TRAPPC12: variants seen among roughly 807,000 people sequenced by gnomAD.
TRAPPC12 encodes the protein trafficking protein particle complex subunit 12, also known as TPR repeat protein 15.
TRAPPC12 carries 61 observed loss-of-function variants against 69.2 expected under a neutral mutation model. The ratio of observed to expected loss-of-function variants is 0.88; its 90% CI spans 0.72 to 1.09. TRAPPC12 has a LOEUF of 1.09. Ranked by LOEUF, TRAPPC12 falls within the 50% of genes least tolerant of loss-of-function variation. TRAPPC12 has a pLI of 0.00. For missense variants in TRAPPC12, 1,101 were observed against 1,016.4 expected, an observed-to-expected ratio of 1.08 and a Z score of -1.13; for synonymous variants, 469 against 438.9, an observed-to-expected ratio of 1.07 and a Z score of -0.86.
chr2:3,453,513 C>T (rs1454448543), intron 6 of TRAPPC12, among the ~76,000 whole-genome samples: 3 of 152,208 alleles, frequency 2.0e-5, no homozygotes, highest in Non-Finnish European at 4.4e-5. Context: ...TCCTCCTATG[C>T]CCTCGCCTGG....
intron 9 of TRAPPC12, among the ~76,000 whole-genome samples, chr2:3,475,883 C>T (rs1666271650): frequency 6.6e-6 from 1 of 152,224 alleles, no homozygotes; most frequent in East Asian, 1.9e-4. Context: ...TGCTTGTAAG[C>T]GCTTGCCACG....
At chr2:3,460,151 T>G (rs992627803) in intron 7 of TRAPPC12, 112 bp from the exon 8 acceptor site, 7 of 783,710 alleles carry the variant, frequency 8.9e-6, no homozygotes, top group Admixed American at 3.9e-5. Flanking sequence ...TCCAGTGGTG[T>G]TAACAAGAGG....
intron 4 of TRAPPC12, among the ~76,000 whole-genome samples, chr2:3,422,264 C>G (rs180891718): frequency 6.6e-6 from 1 of 152,066 alleles, no homozygotes; most frequent in East Asian, 1.9e-4. Flanking sequence ...CAGGTGGGTT[C>G]GCCTCACGAC....
In TRAPPC12 at chr2:3,451,042, C is replaced by T. The variant is rs186947222; in HGVS notation, c.1531-6579C>T. On this transcript the variant is annotated intron_variant, in intron 6 of 11. Transcript: ENST00000324266. Reference sequence around the variant, plus strand: ...AGGATGAGAACATAGATTTGGGTCTCTTTAAATATGAATAGGTTACAAATT... The same window carrying T: ...AGGATGAGAACATAGATTTGGGTCTTTTTAAATATGAATAGGTTACAAATT... Among the ~76,000 whole-genome samples the T allele has an allele frequency of 4.1e-4, 63 of 152,296 alleles. No individual in the cohort carries two copies. The Middle Eastern group carries it at 0.014, about 33-fold the overall frequency.
At chr2:3,465,828 C>A in intron 9 of TRAPPC12, 133 bp downstream of exon 9, 1 of 698,268 alleles carries the variant, frequency 1.4e-6, no homozygotes, top group Non-Finnish European at 2.5e-6. Context: ...ATGTATGTGA[C>A]CATGAAAAGG....
chr2:3,457,356 T>C, intron 6 of TRAPPC12: 1 of 486,958 alleles, frequency 2.1e-6, no homozygotes, highest in Non-Finnish European at 3.8e-6. Context: ...ACTACCTGGG[T>C]GATGGCTTCA....
intron 8 of TRAPPC12, among the ~76,000 whole-genome samples, chr2:3,463,947 G>T (rs1202239100): frequency 6.6e-6 from 1 of 152,162 alleles, no homozygotes; most frequent in Non-Finnish European, 1.5e-5. Context: ...GCAAGCTGGT[G>T]AGTGCAGCCT....
At chr2:3,401,119 G>A (rs968685915) in intron 2 of TRAPPC12, among the ~76,000 whole-genome samples, 18 of 152,338 alleles carry the variant, frequency 1.2e-4, no homozygotes, top group South Asian at 2.1e-4. Context: ...CATGAAGTGC[G>A]CCCAGCAGCT....
chr2:3,470,534 G>C (rs147052907), intron 9 of TRAPPC12, among the ~76,000 whole-genome samples: 1 of 152,254 alleles, frequency 6.6e-6, no homozygotes. Context: ...GCCTCCACCA[G>C]TGCCGTCGCC....
chr2:3,387,359 G>C (rs1037075298), intron 1 of TRAPPC12, among the ~76,000 whole-genome samples: 2 of 152,094 alleles, frequency 1.3e-5, no homozygotes, highest in Non-Finnish European at 1.5e-5. Context: ...GTATACGGGG[G>C]AATGTTTAAT....
chr2:3,403,414 A>G (rs1661564325), intron 3 of TRAPPC12, among the ~76,000 whole-genome samples: 1 of 152,012 alleles, frequency 6.6e-6, no homozygotes, highest in Non-Finnish European at 1.5e-5. Flanking sequence ...TTGTATTTTT[A>G]GTAGAGACAG....
chr2:3,420,902 G>A (rs890844857), intron 3 of TRAPPC12, among the ~76,000 whole-genome samples: 2 of 152,202 alleles, frequency 1.3e-5, no homozygotes, highest in Admixed American at 1.3e-4. Context: ...TGTCAGAGAA[G>A]CGCTTGGCAT....
intron 2 of TRAPPC12, among the ~76,000 whole-genome samples, chr2:3,398,040 A>G (rs906840505): frequency 6.6e-6 from 1 of 152,238 alleles, no homozygotes; most frequent in Non-Finnish European, 1.5e-5. Flanking sequence ...TGTTCACATC[A>G]AGACAGTCCA....
At chr2:3,399,649 G>A (rs1438486075) in intron 2 of TRAPPC12, among the ~76,000 whole-genome samples, 10 of 152,202 alleles carry the variant, frequency 6.6e-5, no homozygotes, top group Admixed American at 6.5e-4. Context: ...AAGGGAGGCA[G>A]CAGAGCAGAG....
intron 2 of TRAPPC12, among the ~76,000 whole-genome samples, chr2:3,391,948 C>G (rs1232080341): frequency 6.6e-6 from 1 of 152,172 alleles, no homozygotes; most frequent in African/African-American, 2.4e-5. Flanking sequence ...GCTTCTCCCT[C>G]TGACTGTAAC....
intron 5 of TRAPPC12, 138 bp from the exon 6 acceptor site, chr2:3,443,641 G>T (rs1291097889): frequency 1.4e-6 from 1 of 709,470 alleles, no homozygotes; most frequent in African/African-American, 1.8e-5. Context: ...AGTTGACACC[G>T]TTAAATACTT....
intron 2 of TRAPPC12, among the ~76,000 whole-genome samples, chr2:3,394,028 T>G (rs1331675183): frequency 6.6e-6 from 1 of 152,226 alleles, no homozygotes; most frequent in East Asian, 1.9e-4. Flanking sequence ...GGATACATGT[T>G]TATTTCCAGG....
At chr2:3,455,549 C>T (rs1572187340) in intron 6 of TRAPPC12, 1 of 152,200 alleles carries the variant, frequency 6.6e-6, no homozygotes, top group African/African-American at 2.4e-5. Flanking sequence ...TCTCCATCTC[C>T]ATGAGTTCAG....
At position 3,388,120 on chromosome 2, in the gene TRAPPC12, G is replaced by A. The variant is rs780055160; in HGVS notation, c.497G>A (p.Arg166His). The A allele has an allele frequency of 4.4e-6, 7 of 1,580,286 alleles. No individual in the cohort carries two copies. The highest frequency in any genetic ancestry group is 4.6e-5 in the East Asian group (2 of 43,022). ...CCGGTGTGCACCATCTTCAGCCAGC[G>A]CGCGCCCCCAGCCTCCGGGGACGGC... Reference protein sequence around the residue: ...PVPVCTIFSQRAPPASGDGFE... With the variant: ...PVPVCTIFSQHAPPASGDGFE... The change falls in exon 2 of 12, where the codon CGC becomes CAC. Residue 166 changes from arginine (R) to histidine (H), a missense_variant. Physicochemically the swap from Arg to His is conservative, Grantham distance 29. Transcript: ENST00000324266.
Sources: allele counts gnomAD v4.1 joint callset (sites outside exome capture counted in the v4.1 genomes callset), GRCh38; gene constraint gnomAD v4.1.1; transcripts MANE v1.5; gene names NCBI Gene and HGNC (gene_info 2026-07-23, HGNC 2026-07-21).